Variants in UNC79 observed in about 807,000 individuals in gnomAD.
The protein encoded by UNC79 is protein unc-79 homolog.
In UNC79, 37 loss-of-function variants were observed where a neutral mutation model predicts 283.1. The ratio of observed to expected loss-of-function variants is 0.13; its 90% CI spans 0.10 to 0.17. The LOEUF (loss-of-function observed/expected upper bound fraction) is 0.17. UNC79 is among the 10% of genes least tolerant of loss of function. The pLI is 1.00. For synonymous variants in UNC79, 1,107 were observed against 1,200.2 expected, an observed-to-expected ratio of 0.92 and a Z score of 1.61; for missense variants, 2,272 against 3,211.1, an observed-to-expected ratio of 0.71 and a Z score of 7.07.
intron 1 of UNC79, among the ~76,000 whole-genome samples, chr14:93,352,927 C>A (rs1041009920): frequency 3.3e-5 from 5 of 152,204 alleles, no homozygotes; most frequent in African/African-American, 1.2e-4. Context: ...AAATCAAGTG[C>A]TGTTTTAAAT....
At chr14:93,354,474 A>T (rs1486281804) in intron 1 of UNC79, among the ~76,000 whole-genome samples, 3 of 152,170 alleles carry the variant, frequency 2.0e-5, no homozygotes, top group African/African-American at 7.2e-5. Context: ...GAAAATTCAA[A>T]ATCTGAAACA....
chr14:93,543,199 C>A (rs1490873219), intron 14 of UNC79, among the ~76,000 whole-genome samples: 1 of 136,992 alleles, frequency 7.3e-6, no homozygotes, highest in African/African-American at 2.7e-5. Context: ...TTTTTTTAAT[C>A]ATGTATATAT....
At position 93,474,283 on chromosome 14, in the gene UNC79, A is replaced by G. The variant is rs1385177954; in HGVS notation, c.338A>G (p.Gln113Arg). 1 of 1,535,946 alleles carries G rather than the reference A, an allele frequency of 6.5e-7. No individual in the cohort carries two copies. The highest frequency in any genetic ancestry group is 8.7e-7 in the Non-Finnish European group (1 of 1,146,884). Residue 113 changes from glutamine (Q) to arginine (R), a missense_variant, in exon 3 of 49, where the codon CAA becomes CGA. By Grantham distance (43) the Gln-to-Arg change is conservative. This residue lies in a region of UNC79 where 194 missense variants were observed against 268.9 expected (regional missense o/e 0.72). Coordinates refer to ENST00000555664, the Ensembl canonical transcript of UNC79. The surrounding 1 kb of genome is among the most constrained non-coding windows in gnomAD (Gnocchi z 4.1). ...GATGCTCCCTCAGAACGCGGCCCGC[A>G]AAGTCGTGATGCTCAGTTGTCAGAC...
chr14:93,688,049 A>G lies in UNC79; in HGVS notation c.6910-616A>G, dbSNP rs2074386151. On this transcript the variant is annotated intron_variant, in intron 43 of 48. Transcript: ENST00000555664. The surrounding 1 kb of genome is among the most constrained non-coding windows in gnomAD (Gnocchi z 4.0). Reference sequence around the variant, plus strand: ...TCAGTGCCCTTCCCACTGAGCTCACACTGAGCAAAGAAATCTTTCTAAATT... The same window carrying G: ...TCAGTGCCCTTCCCACTGAGCTCACGCTGAGCAAAGAAATCTTTCTAAATT... Among the ~76,000 whole-genome samples, 1 of 152,150 alleles carries G rather than the reference A, an allele frequency of 6.6e-6. No homozygotes were observed. Among genetic ancestry groups the G allele is most frequent in the African/African-American group, 2.4e-5 (1 of 41,428 alleles).
intron 43 of UNC79, among the ~76,000 whole-genome samples, chr14:93,687,098 A>G (rs1010652683): frequency 6.6e-6 from 1 of 152,198 alleles, no homozygotes; most frequent in Admixed American, 6.5e-5. Flanking sequence ...CAGTTTCCTC[A>G]TTTGAAGAAC....
intron 41 of UNC79, among the ~76,000 whole-genome samples, chr14:93,673,952 C>T (rs1019320721): frequency 1.3e-4 from 20 of 152,096 alleles, no homozygotes; most frequent in Admixed American, 9.8e-4. Context: ...GGTGTAGGTA[C>T]GCTTCAGCCC....
intron 7 of UNC79, among the ~76,000 whole-genome samples, chr14:93,516,338 A>G (rs755985752): frequency 6.6e-6 from 1 of 151,652 alleles, no homozygotes; most frequent in Non-Finnish European, 1.5e-5. Flanking sequence ...TAAGTACTCC[A>G]GATTTGTTCT....
At chr14:93,573,735 G>A (rs1040781899) in intron 16 of UNC79, among the ~76,000 whole-genome samples, 1 of 152,182 alleles carries the variant, frequency 6.6e-6, no homozygotes, top group South Asian at 2.1e-4. Flanking sequence ...GGACCAGCTC[G>A]GTAGCTCACA....
chr14:93,444,245 T>C (rs1265450432), intron 1 of UNC79, among the ~76,000 whole-genome samples: 1 of 152,224 alleles, frequency 6.6e-6, no homozygotes, highest in Non-Finnish European at 1.5e-5. Context: ...GTATATCTTC[T>C]TTTGGGAAAT....
At chr14:93,523,880 G>A in intron 7 of UNC79, 98 bp from the exon 8 acceptor site, 11 of 1,270,246 alleles carry the variant, frequency 8.7e-6, no homozygotes, top group African/African-American at 1.5e-5. Flanking sequence ...TCTGATGATG[G>A]TTCTGTTTAG....
Position 93,646,430 on chromosome 14 carries a change from C to G in UNC79, c.6045-178C>G, listed in dbSNP as rs553905083. ...ATATAGCAGGTCTCAAGGACTAGGT[C>G]AAGTTTAACTCTAGAGACTGACCAC... On this transcript the variant is annotated intron_variant, in intron 34 of 48. Coordinates refer to ENST00000555664, the Ensembl canonical transcript of UNC79. 3.9e-5 allele frequency among the ~76,000 whole-genome samples: 6 copies of G among 152,216 alleles called. No individual in the cohort carries two copies. The East Asian group carries it at 1.2e-3, about 29-fold the overall frequency.
At chr14:93,391,952 A>G (rs371621996) in intron 1 of UNC79, among the ~76,000 whole-genome samples, 7 of 152,228 alleles carry the variant, frequency 4.6e-5, no homozygotes, top group African/African-American at 1.7e-4. Flanking sequence ...GCACTCTCAC[A>G]TATGAGCAAA....
chr14:93,613,545 G>T (rs933857506), intron 27 of UNC79, among the ~76,000 whole-genome samples: 5 of 151,732 alleles, frequency 3.3e-5, no homozygotes, highest in African/African-American at 1.2e-4. Flanking sequence ...CTCCCAAGTA[G>T]CTGGGACTAC....
intron 7 of UNC79, among the ~76,000 whole-genome samples, chr14:93,515,604 C>T (rs541386788): frequency 1.3e-5 from 2 of 152,150 alleles, no homozygotes; most frequent in African/African-American, 2.4e-5. Flanking sequence ...ATTGTTTGTG[C>T]TCTGTGGCTA....
At chr14:93,347,795 G>A (rs1228375860) in intron 1 of UNC79, among the ~76,000 whole-genome samples, 2 of 151,854 alleles carry the variant, frequency 1.3e-5, no homozygotes, top group East Asian at 1.9e-4. Flanking sequence ...GGGCCACATC[G>A]AAGTTCCAGA....
exon 30 of UNC79, chr14:93,622,277 G>C: frequency 6.2e-7 from 1 of 1,614,192 alleles, no homozygotes; most frequent in African/African-American, 1.3e-5. Flanking sequence ...CCTGAGCACA[G>C]CTCCGCTTGT....
At chr14:93,538,328 A>C in intron 12 of UNC79, 110 bp downstream of exon 12, 1 of 1,107,576 alleles carries the variant, frequency 9.0e-7, no homozygotes, top group Non-Finnish European at 1.2e-6. Context: ...CCCTTAGCCC[A>C]GATGCTCACC....
intron 4 of UNC79, among the ~76,000 whole-genome samples, chr14:93,486,657 G>A (rs7141036): frequency 0.99 from 137,955 of 138,982 alleles, 68,466 homozygotes; most frequent in Middle Eastern, 1. Flanking sequence ...TCTGTCTAAG[G>A]AAAAAAAAAA....
rs199649702 is a variant in UNC79 at position 93,621,671 on chromosome 14, C to T, written c.4438C>T (p.Leu1480Phe). The T allele has an allele frequency of 1.7e-5, 27 of 1,610,338 alleles. No homozygotes were observed. The highest frequency in any genetic ancestry group is 2.0e-5 in the Non-Finnish European group (23 of 1,178,346). ...AGAGACGGGTGCATTACAAGACAGC[C>T]TTCTCCACTGTGTGAGAGAAGAAAG... Residue 1480 changes from leucine to phenylalanine, a missense_variant, in exon 30 of 49, where the codon CTT (leucine) becomes TTT (phenylalanine). Around this residue, in one of 11 missense-constraint regions of UNC79, gnomAD observed 580 missense variants for 632.2 expected, o/e 0.92. Coordinates refer to ENST00000555664, the Ensembl canonical transcript of UNC79. The surrounding 1 kb of genome is among the most constrained non-coding windows in gnomAD (Gnocchi z 4.8).
Sources: allele counts gnomAD v4.1 joint callset (sites outside exome capture counted in the v4.1 genomes callset), GRCh38; gene constraint gnomAD v4.1.1; regional missense constraint gnomAD v4.1.1; non-coding constraint Gnocchi (gnomAD v3.1); transcripts MANE v1.5; gene names NCBI Gene and HGNC (gene_info 2026-07-23, HGNC 2026-07-21).